Variants in ADAT1 observed in about 807,000 individuals in gnomAD.
ADAT1 encodes the protein adenosine deaminase tRNA specific 1.
Under a neutral mutation model 58.6 loss-of-function variants are expected in ADAT1, and 58 were observed. That is an observed-to-expected ratio of 0.99 (90% CI 0.80 to 1.23). The LOEUF (loss-of-function observed/expected upper bound fraction) is 1.23, where lower values mean the gene tolerates loss of function less well. ADAT1 is among the 50% of genes most tolerant of loss of function. The pLI is 0.00. For missense variants in ADAT1, 741 were observed against 608.6 expected, an observed-to-expected ratio of 1.22 and a Z score of -2.29; for synonymous variants, 254 against 220.8, an observed-to-expected ratio of 1.15 and a Z score of -1.33.
At chr16:75,609,809 T>A (rs921501773) in intron 6 of ADAT1, among the ~76,000 whole-genome samples, 1 of 152,136 alleles carries the variant, frequency 6.6e-6, no homozygotes, top group Admixed American at 6.6e-5. Flanking sequence ...TCTCAAGCGA[T>A]CCTCCCACCT....
At chr16:75,619,198 G>C (rs1000288673) in intron 3 of ADAT1, among the ~76,000 whole-genome samples, 2 of 152,126 alleles carry the variant, frequency 1.3e-5, no homozygotes, top group African/African-American at 4.8e-5. Context: ...CCAACTCAAA[G>C]AGGAACCTGC....
intron 5 of ADAT1, among the ~76,000 whole-genome samples, chr16:75,613,425 C>T (rs1314997715): frequency 4.6e-5 from 7 of 152,094 alleles, no homozygotes. Context: ...CTTCAGCCTC[C>T]CGAGTAGCTG....
At chr16:75,605,068 T>C (rs1441567165) in intron 8 of ADAT1, among the ~76,000 whole-genome samples, 12 of 152,248 alleles carry the variant, frequency 7.9e-5, no homozygotes, top group African/African-American at 2.6e-4. Flanking sequence ...AATAAATGTA[T>C]TTTCTATTCC....
intron 5 of ADAT1, 31 bp from the exon 6 acceptor site, chr16:75,612,892 G>A: frequency 6.3e-7 from 1 of 1,593,714 alleles, no homozygotes; most frequent in Non-Finnish European, 8.5e-7. Context: ...TAAACAAATG[G>A]TTCTCAAGTG....
intron 8 of ADAT1, among the ~76,000 whole-genome samples, chr16:75,607,717 C>T (rs2081409046): frequency 6.6e-6 from 1 of 152,148 alleles, no homozygotes. Context: ...CCCAGTAACA[C>T]TACTCCTAGG....
chr16:75,617,511 G>A (rs2081772520), intron 4 of ADAT1, among the ~76,000 whole-genome samples: 1 of 152,106 alleles, frequency 6.6e-6, no homozygotes, highest in Non-Finnish European at 1.5e-5. Context: ...GCTCATATCT[G>A]TAACCCCAGC....
Position 75,596,975 on chromosome 16 carries a change from C to T in ADAT1, c.*3241G>A, listed in dbSNP as rs539907563. On this transcript the variant is annotated 3_prime_UTR_variant, in exon 10 of 10. Transcript: ENST00000564657. ...GAAAGAAGCCAGTCACAAAAGACCA[C>T]ATATTCTATGATTCCATTTATATGA... 4 of 152,458 alleles carry T rather than the reference C, an allele frequency of 2.6e-5. No individual in the cohort carries two copies. The East Asian group carries it at 5.8e-4, about 22-fold the overall frequency. 9.4% of individuals were successfully genotyped at this position (152,458 alleles called of 1,614,324 possible). A position where few individuals can be genotyped will look rare whatever the true frequency, so the allele number is the denominator to read the frequency against.
rs2081990340 is a variant in ADAT1, at chr16:75,623,256, G to A, written c.-875C>T. The A allele has an allele frequency of 6.6e-6, 1 of 152,050 alleles. No individual in the cohort carries two copies. 9.4% of individuals were successfully genotyped at this position (152,050 alleles called of 1,614,324 possible). ...CTCCCACCTTCAGGAAACGCGCCTA[G>A]AAGAAAGCGAGCTTAATCCGCCGGT... On this transcript the variant is annotated 5_prime_UTR_variant, in exon 1 of 10. Coordinates refer to ENST00000564657, the MANE Select transcript of ADAT1 (RefSeq NM_001324445.2).
At chr16:75,613,204 G>C (rs1291798564) in intron 5 of ADAT1, among the ~76,000 whole-genome samples, 1 of 152,132 alleles carries the variant, frequency 6.6e-6, no homozygotes, top group African/African-American at 2.4e-5. Flanking sequence ...TCTGGAGAAG[G>C]GCATGCAAAA....
chr16:75,606,248 A>G (rs2151751792), intron 8 of ADAT1, among the ~76,000 whole-genome samples: 1 of 152,312 alleles, frequency 6.6e-6, no homozygotes, highest in African/African-American at 2.4e-5. Flanking sequence ...TGCAACAGTA[A>G]TAACCAGAAA....
intron 1 of ADAT1, among the ~76,000 whole-genome samples, chr16:75,621,748 A>C (rs1007315564): frequency 6.6e-6 from 1 of 152,186 alleles, no homozygotes; most frequent in Non-Finnish European, 1.5e-5. Flanking sequence ...AAAACCATCA[A>C]GCAGATCCCT....
intron 5 of ADAT1, among the ~76,000 whole-genome samples, chr16:75,614,108 T>G (rs2081634009): frequency 6.6e-6 from 1 of 152,028 alleles, no homozygotes; most frequent in Non-Finnish European, 1.5e-5. Context: ...AACAATCGCT[T>G]GAATCCAGGA....
At chr16:75,618,888 A>G (rs1044196800) in intron 3 of ADAT1, among the ~76,000 whole-genome samples, 1 of 152,104 alleles carries the variant, frequency 6.6e-6, no homozygotes, top group African/African-American at 2.4e-5. Context: ...TACACTGTAG[A>G]CTGTTTATTA....
Position 75,615,000 on chromosome 16 carries a change from G to A in ADAT1, c.425-2139C>T, listed in dbSNP as rs149330014. ...AGCACTTTGGGAGGCCGAGGTGGGC[G>A]AATCACTTGAGGTCAGGAGTTCGAG... On this transcript the variant is annotated intron_variant, in intron 5 of 9. Coordinates refer to ENST00000564657, the MANE Select transcript of ADAT1 (RefSeq NM_001324445.2). Among the ~76,000 whole-genome samples the A allele has an allele frequency of 3.1e-3, 478 of 152,104 alleles. 1 individual carries two copies. Among genetic ancestry groups the A allele is most frequent in the African/African-American group, 0.011 (449 of 41,512 alleles).
chr16:75,602,936 G>C (rs755660451), intron 9 of ADAT1, 149 bp downstream of exon 9: 17 of 694,810 alleles, frequency 2.4e-5, no homozygotes, highest in Non-Finnish European at 4.1e-5. Flanking sequence ...TCTGCAAATA[G>C]GGCTATGGGG....
In ADAT1 at chr16:75,598,669, C is replaced by T. The variant is rs541682639; in HGVS notation, c.*1547G>A. Among the ~76,000 whole-genome samples the T allele has an allele frequency of 9.7e-4, 148 of 152,044 alleles. No homozygotes were observed. The highest frequency in any genetic ancestry group is 3.4e-3 in the African/African-American group (142 of 41,466). Reference sequence around the variant, plus strand: ...AAGTAGCTGGGACTACAGGCGTGCACCACCATGCCCGGCTAATTTTTGTAT... The same window carrying T: ...AAGTAGCTGGGACTACAGGCGTGCATCACCATGCCCGGCTAATTTTTGTAT... On this transcript the variant is annotated 3_prime_UTR_variant, in exon 10 of 10. Coordinates refer to ENST00000564657, the MANE Select transcript of ADAT1 (RefSeq NM_001324445.2).
chr16:75,597,714 A>T lies in ADAT1; in HGVS notation c.*2502T>A, dbSNP rs1158588930. On this transcript the variant is annotated 3_prime_UTR_variant, in exon 10 of 10. Coordinates refer to ENST00000564657, the MANE Select transcript of ADAT1 (RefSeq NM_001324445.2). ...CAGTCCCATATGGGGGTTATGGAAG[A>T]CACTGACAGATCATCAGGCATTATA... Among the ~76,000 whole-genome samples the T allele has an allele frequency of 6.6e-6, 1 of 152,226 alleles. No individual in the cohort carries two copies. The highest frequency in any genetic ancestry group is 1.5e-5 in the Non-Finnish European group (1 of 68,038).
chr16:75,616,756 G>C (rs1298325961), intron 5 of ADAT1, among the ~76,000 whole-genome samples: 1 of 152,180 alleles, frequency 6.6e-6, no homozygotes, highest in Non-Finnish European at 1.5e-5. Flanking sequence ...TATCGTGCCT[G>C]ACAAATAGTA....
At chr16:75,608,166 G>C in intron 8 of ADAT1, 58 bp downstream of exon 8, 3 of 1,421,832 alleles carry the variant, frequency 2.1e-6, no homozygotes, top group Non-Finnish European at 3.0e-6. Flanking sequence ...TCTAGAATTA[G>C]ATAGTGGTAG....
Sources: gnomAD v4.1 joint callset for allele counts (sites outside exome capture counted in the v4.1 genomes callset) on GRCh38, gnomAD v4.1.1 for gene constraint, MANE v1.5 for transcripts, NCBI Gene and HGNC (gene_info 2026-07-23, HGNC 2026-07-21) for gene names.